Variants in AFF3 observed in about 807,000 individuals in gnomAD.
The protein encoded by AFF3 is AF4/FMR2 family member 3.
In AFF3, 32 loss-of-function variants were observed where a neutral mutation model predicts 129.7. The observed-to-expected ratio is 0.25, with a 90% CI of 0.19 to 0.33. The LOEUF (loss-of-function observed/expected upper bound fraction) is 0.33, where lower values mean the gene tolerates loss of function less well. Ranked by LOEUF, AFF3 falls within the 10% of genes least tolerant of loss-of-function variation. The pLI is 1.00. For missense variants in AFF3, 1,373 were observed against 1,592.0 expected (o/e 0.86, Z 2.34); for synonymous variants, 644 against 635.4 (o/e 1.01, Z -0.20).
At chr2:99,706,302 G>C (rs1239958293) in intron 11 of AFF3, among the ~76,000 whole-genome samples, 1 of 152,200 alleles carries the variant, frequency 6.6e-6, no homozygotes, top group Non-Finnish European at 1.5e-5. Flanking sequence ...ATCTGGATAG[G>C]ATACTTGACT....
intron 8 of AFF3, among the ~76,000 whole-genome samples, chr2:99,784,064 G>C (rs2105396664): frequency 6.6e-6 from 1 of 152,330 alleles, no homozygotes; most frequent in Admixed American, 6.5e-5. Flanking sequence ...GGTAACCTCT[G>C]CAGATGCCTT....
intron 8 of AFF3, among the ~76,000 whole-genome samples, chr2:99,783,725 A>G (rs1684573642): frequency 6.6e-6 from 1 of 152,218 alleles, no homozygotes. Flanking sequence ...ATTTGCAGAA[A>G]CTTCCAGAAA....
At chr2:99,966,831 G>A (rs1279246980) in intron 7 of AFF3, among the ~76,000 whole-genome samples, 1 of 148,534 alleles carries the variant, frequency 6.7e-6, no homozygotes, top group African/African-American at 2.5e-5. Flanking sequence ...GAAAATAATT[G>A]ATTCTGATTT....
At chr2:99,831,137 A>G (rs572095794) in intron 8 of AFF3, among the ~76,000 whole-genome samples, 1 of 152,344 alleles carries the variant, frequency 6.6e-6, no homozygotes, top group African/African-American at 2.4e-5. Context: ...GGCTCCACAC[A>G]TGGTGGCCCC....
rs570167389 is a variant in AFF3, at chr2:99,915,600, C to T, written c.874-78076G>A. Among the ~76,000 whole-genome samples the T allele has an allele frequency of 2.0e-4, 30 of 152,282 alleles. No homozygotes were observed. The South Asian group carries it at 5.8e-3, about 30-fold the overall frequency. On this transcript the variant is annotated intron_variant, in intron 7 of 24. Transcript: ENST00000672756. ...AGGGCCTTGAGATTGGTTTAATTCA[C>T]TGCCTGATGCCTTGAAATTCTTAAC...
intron 7 of AFF3, among the ~76,000 whole-genome samples, chr2:99,862,435 C>T (rs913285457): frequency 1.3e-4 from 20 of 152,200 alleles, no homozygotes; most frequent in African/African-American, 2.2e-4. Context: ...GACCTACGTA[C>T]ATGCCTTACT....
chr2:99,960,056 T>C (rs943063969), intron 7 of AFF3, among the ~76,000 whole-genome samples: 4 of 152,140 alleles, frequency 2.6e-5, no homozygotes, highest in Non-Finnish European at 4.4e-5. Context: ...AATATTTTGT[T>C]GTTGAATAAG....
chr2:99,758,038 A>G (rs1682267280), intron 8 of AFF3, among the ~76,000 whole-genome samples: 1 of 152,176 alleles, frequency 6.6e-6, no homozygotes, highest in Non-Finnish European at 1.5e-5. Flanking sequence ...CAGAGCCTGG[A>G]GCAGAATGGG....
chr2:99,932,938 T>C (rs895794312), intron 7 of AFF3, among the ~76,000 whole-genome samples: 1 of 152,208 alleles, frequency 6.6e-6, no homozygotes, highest in African/African-American at 2.4e-5. Context: ...AATAATATGT[T>C]TTTTTAATTG....
At chr2:100,061,784 T>A (rs1559096972) in intron 4 of AFF3, among the ~76,000 whole-genome samples, 1 of 151,652 alleles carries the variant, frequency 6.6e-6, no homozygotes, top group Non-Finnish European at 1.5e-5. Context: ...AATTTTGTTT[T>A]TCTTTGAGGG....
chr2:99,611,112 G>A (rs564931603), intron 13 of AFF3, among the ~76,000 whole-genome samples: 2 of 152,030 alleles, frequency 1.3e-5, no homozygotes, highest in South Asian at 4.2e-4. Context: ...TTCAAATTTT[G>A]GTTATGGAAT....
intron 7 of AFF3, among the ~76,000 whole-genome samples, chr2:99,994,698 A>T (rs1178766065): frequency 2.6e-5 from 4 of 152,248 alleles, no homozygotes; most frequent in Non-Finnish European, 5.9e-5. Context: ...GGTATGAAAG[A>T]AAATGATGGT....
chr2:99,987,859 A>G (rs549169682), intron 7 of AFF3, among the ~76,000 whole-genome samples: 1 of 152,370 alleles, frequency 6.6e-6, no homozygotes, highest in African/African-American at 2.4e-5. Context: ...GCCTCAGATA[A>G]TGCTTGCTTA....
intron 7 of AFF3, among the ~76,000 whole-genome samples, chr2:99,900,898 A>G (rs1694298749): frequency 6.6e-6 from 1 of 152,222 alleles, no homozygotes; most frequent in South Asian, 2.1e-4. Flanking sequence ...GCAGGTTGCT[A>G]GAAAGAGTCC....
intron 7 of AFF3, among the ~76,000 whole-genome samples, chr2:99,936,417 G>A (rs1674530409): frequency 6.6e-6 from 1 of 152,072 alleles, no homozygotes; most frequent in African/African-American, 2.4e-5. Context: ...AAAGGGACAA[G>A]GGAGCCAGCT....
intron 1 of AFF3, among the ~76,000 whole-genome samples, chr2:100,136,077 T>C (rs1461793759): frequency 6.6e-6 from 1 of 152,162 alleles, no homozygotes; most frequent in African/African-American, 2.4e-5. Flanking sequence ...GGGCTGGAGT[T>C]AGAGAAATTA....
intron 12 of AFF3, among the ~76,000 whole-genome samples, chr2:99,663,900 G>A (rs1327737554): frequency 1.3e-5 from 2 of 152,126 alleles, no homozygotes; most frequent in Admixed American, 6.5e-5. Flanking sequence ...ATGTGTCCCT[G>A]TCCTCATGCC....
At chr2:99,607,071 C>T (rs1680435499) in intron 13 of AFF3, among the ~76,000 whole-genome samples, 2 of 152,102 alleles carry the variant, frequency 1.3e-5, no homozygotes, top group East Asian at 3.9e-4. Flanking sequence ...TGCATTTTGA[C>T]TTCATGAAAT....
At chr2:99,861,261 C>CA (rs745659642) in intron 7 of AFF3, among the ~76,000 whole-genome samples, 2 of 152,174 alleles carry the variant, frequency 1.3e-5, no homozygotes, top group African/African-American at 4.8e-5. Flanking sequence ...ATTGCCAATT[C>CA]AAAAGATATG....
Sources: gnomAD v4.1 joint callset for allele counts (sites outside exome capture counted in the v4.1 genomes callset) on GRCh38, gnomAD v4.1.1 for gene constraint, MANE v1.5 for transcripts, NCBI Gene and HGNC (gene_info 2026-07-23, HGNC 2026-07-21) for gene names.